PEX5L: variants seen among roughly 807,000 people sequenced by gnomAD.
The protein encoded by PEX5L is peroxisomal biogenesis factor 5 like, also known as PEX5-related protein.
A neutral mutation model predicts 84.0 loss-of-function variants in PEX5L; 30 were observed. That is an observed-to-expected ratio of 0.36 (90% CI 0.27 to 0.48). The LOEUF (loss-of-function observed/expected upper bound fraction) is 0.48. PEX5L is among the 20% of genes least tolerant of loss of function. The pLI is 0.99. For missense variants in PEX5L, 533 were observed against 754.6 expected (o/e 0.71, Z 3.44); for synonymous variants, 270 against 283.1 (o/e 0.95, Z 0.46).
chr3:180,035,307 T>C (rs1343417871), intron 1 of PEX5L, among the ~76,000 whole-genome samples: 1 of 152,194 alleles, frequency 6.6e-6, no homozygotes, highest in African/African-American at 2.4e-5. Context: ...TTTCAATTGG[T>C]GTAGCTTTTA....
rs758009954 is a variant in PEX5L, at chr3:179,879,959, T to G, written c.475A>C (p.Arg159=). 1.8e-5 allele frequency: 29 copies of G among 1,605,762 alleles called. No individual in the cohort carries two copies. Among genetic ancestry groups the G allele is most frequent in the Admixed American group, 6.9e-5 (4 of 57,966 alleles). The stretch of plus-strand genomic sequence containing the variant: ...TCTAAGGATGAAGTCTCCGGGACTC[T>G]GAGAGGCTGGCCTCTCTGCTCAGCA... ...TDAEQRGQPL[R]VPETSSLDLD... The change falls in exon 5 of 15, where the codon AGA becomes CGA. Residue 159 remains arginine (R), a synonymous_variant. Coordinates refer to ENST00000467460, the MANE Select transcript of PEX5L (RefSeq NM_016559.3).
intron 2 of PEX5L, among the ~76,000 whole-genome samples, chr3:179,912,981 A>G (rs1199865130): frequency 6.6e-6 from 1 of 152,138 alleles, no homozygotes; most frequent in African/African-American, 2.4e-5. Context: ...CTTCAAAGAA[A>G]AAATTAGGTT....
At chr3:179,831,451 T>C (rs1047289487) in intron 8 of PEX5L, among the ~76,000 whole-genome samples, 3 of 152,168 alleles carry the variant, frequency 2.0e-5, no homozygotes, top group African/African-American at 4.8e-5. Context: ...AAAGTAATCA[T>C]ATTACACTTT....
At chr3:179,902,111 T>C (rs1262266974) in intron 2 of PEX5L, 1 of 152,246 alleles carries the variant, frequency 6.6e-6, no homozygotes, top group Non-Finnish European at 1.5e-5. Context: ...TAATTTCATT[T>C]ATTTGATCTT....
intron 12 of PEX5L, among the ~76,000 whole-genome samples, chr3:179,809,244 T>A (rs1446101779): frequency 6.6e-6 from 1 of 152,128 alleles, no homozygotes; most frequent in Non-Finnish European, 1.5e-5. Context: ...AATGTGGCAC[T>A]CAGATAAATG....
chr3:179,852,236 C>A (rs544930708), intron 8 of PEX5L, among the ~76,000 whole-genome samples: 4 of 152,116 alleles, frequency 2.6e-5, no homozygotes, highest in African/African-American at 9.7e-5. Flanking sequence ...AGAATCCATT[C>A]GCAAGATAGC....
At chr3:179,992,131 G>C (rs894398744) in intron 1 of PEX5L, among the ~76,000 whole-genome samples, 15 of 152,242 alleles carry the variant, frequency 9.9e-5, no homozygotes, top group Admixed American at 8.5e-4. Flanking sequence ...TGAAGACAGA[G>C]TAGAGACACA....
At chr3:179,856,137 C>T (rs756365748) in intron 8 of PEX5L, among the ~76,000 whole-genome samples, 4 of 152,174 alleles carry the variant, frequency 2.6e-5, no homozygotes, top group Non-Finnish European at 5.9e-5. Context: ...GTTTTCTCTT[C>T]TGAAAAATGG....
At chr3:179,915,061 C>A (rs1766543016) in intron 2 of PEX5L, among the ~76,000 whole-genome samples, 1 of 152,154 alleles carries the variant, frequency 6.6e-6, no homozygotes, top group Non-Finnish European at 1.5e-5. Context: ...GTTTTGCACT[C>A]AGATTGACAA....
chr3:179,978,008 A>G (rs1254567351), intron 1 of PEX5L, among the ~76,000 whole-genome samples: 5 of 152,226 alleles, frequency 3.3e-5, no homozygotes, highest in African/African-American at 1.2e-4. Flanking sequence ...GTTGGGTGAG[A>G]AAAGAAATAT....
intron 2 of PEX5L, among the ~76,000 whole-genome samples, chr3:179,949,370 CTTAG>C (rs1215840730): frequency 6.6e-6 from 1 of 152,004 alleles, no homozygotes; most frequent in African/African-American, 2.4e-5. Context: ...TTTGTTTTTG[CTTAG>C]TATGTTTTAA....
At chr3:179,909,987 G>C (rs1467084353) in intron 2 of PEX5L, among the ~76,000 whole-genome samples, 19 of 152,202 alleles carry the variant, frequency 1.2e-4, no homozygotes, top group Admixed American at 1.2e-3. Flanking sequence ...GGAAGCCCTA[G>C]TAAACTAAAC....
intron 1 of PEX5L, among the ~76,000 whole-genome samples, chr3:180,015,346 C>T (rs943987732): frequency 1.4e-4 from 21 of 152,150 alleles, no homozygotes; most frequent in African/African-American, 4.1e-4. Context: ...AGTTAGCGAA[C>T]GAGCTACCAA....
At chr3:179,933,241 C>A (rs1236184551) in intron 2 of PEX5L, among the ~76,000 whole-genome samples, 3 of 152,154 alleles carry the variant, frequency 2.0e-5, no homozygotes, top group African/African-American at 7.2e-5. Context: ...TGCCCATGTA[C>A]CTAAGCGACT....
At chr3:179,875,535 C>CGGGGGGGG in intron 5 of PEX5L, 58 bp from the exon 6 acceptor site, 1 of 565,884 alleles carries the variant, frequency 1.8e-6, no homozygotes, top group Admixed American at 2.3e-5. Context: ...GTAGGGGGAG[C>CGGGGGGGG]GGTGGCGGGG....
intron 2 of PEX5L, among the ~76,000 whole-genome samples, chr3:179,904,691 G>T (rs1265106302): frequency 6.6e-6 from 1 of 152,150 alleles, no homozygotes; most frequent in Non-Finnish European, 1.5e-5. Context: ...AGTCCATTTT[G>T]GGGGGTTCTG....
chr3:180,010,253 T>TTTC, intron 1 of PEX5L, among the ~76,000 whole-genome samples: 1 of 141,666 alleles, frequency 7.1e-6, no homozygotes, highest in East Asian at 2.0e-4. Flanking sequence ...CCTCTTTTTT[T>TTTC]TTTTTTTTTT....
At chr3:179,949,377 T>C (rs1288961628) in intron 2 of PEX5L, among the ~76,000 whole-genome samples, 2 of 152,242 alleles carry the variant, frequency 1.3e-5, no homozygotes, top group Non-Finnish European at 2.9e-5. Context: ...TTGCTTAGTA[T>C]GTTTTAAGCA....
intron 2 of PEX5L, among the ~76,000 whole-genome samples, chr3:179,934,223 G>T (rs1053517223): frequency 3.9e-5 from 6 of 152,166 alleles, no homozygotes; most frequent in African/African-American, 1.4e-4. Context: ...AGTAAAATTT[G>T]CATTTACATA....
Sources: gnomAD v4.1 joint callset for allele counts (sites outside exome capture counted in the v4.1 genomes callset) on GRCh38, gnomAD v4.1.1 for gene constraint, MANE v1.5 for transcripts, NCBI Gene and HGNC (gene_info 2026-07-23, HGNC 2026-07-21) for gene names.